LMO2: variants seen among roughly 807,000 people sequenced by gnomAD.
LMO2 encodes the protein LIM domain only 2, also known as rhombotin-2.
A neutral mutation model predicts 23.2 loss-of-function variants in LMO2; 20 were observed. That is an observed-to-expected ratio of 0.86 (90% CI 0.61 to 1.25). LMO2 has a LOEUF of 1.25. LMO2 is among the 50% of genes most tolerant of loss of function. The pLI is 0.00. For missense variants in LMO2, 270 were observed against 315.3 expected (o/e 0.86, Z 1.09); for synonymous variants, 123 against 130.2 (o/e 0.94, Z 0.38).
chr11:33,875,403 C>A (rs181055004), intron 2 of LMO2, among the ~76,000 whole-genome samples: 202 of 151,978 alleles, frequency 1.3e-3, no homozygotes, highest in African/African-American at 4.5e-3. Flanking sequence ...CGTGATGAAA[C>A]CCTATCTCTA....
chr11:33,884,142 G>A (rs1420363507), intron 1 of LMO2, among the ~76,000 whole-genome samples: 1 of 152,150 alleles, frequency 6.6e-6, no homozygotes, highest in African/African-American at 2.4e-5. Context: ...AGGCAGCGAG[G>A]GAAGCCACTG....
intron 1 of LMO2, among the ~76,000 whole-genome samples, chr11:33,884,874 T>C (rs752385217): frequency 9.9e-5 from 15 of 152,232 alleles, no homozygotes; most frequent in Non-Finnish European, 2.1e-4. Context: ...GTTAGGGGTT[T>C]TTGCCCTTCA....
At position 33,869,993 on chromosome 11, in the gene LMO2, C is replaced by A; in HGVS notation, c.-271-6G>T. 1.7e-5 allele frequency: 17 copies of A among 1,013,676 alleles called. No individual in the cohort carries two copies. Among genetic ancestry groups the A allele is most frequent in the Non-Finnish European group, 1.9e-5 (16 of 843,784 alleles). 62.8% of individuals were successfully genotyped at this position (1,013,676 alleles called of 1,614,324 possible). A position where few individuals can be genotyped will look rare whatever the true frequency, so the allele number is the denominator to read the frequency against. On this transcript the variant is annotated splice_region_variant and splice_polypyrimidine_tract_variant and intron_variant, in intron 2 of 5. Transcript: ENST00000257818. ...CTGGTTTCATTTCCTTTTTCCTGAT[C>A]ACGATTCAAATACAATAGAAGGAAA...
intron 1 of LMO2, among the ~76,000 whole-genome samples, chr11:33,889,014 G>A (rs945074909): frequency 2.0e-5 from 3 of 152,294 alleles, no homozygotes; most frequent in East Asian, 1.9e-4. Context: ...TCCTATTTCC[G>A]TTAGGGTAGA....
At chr11:33,871,989 C>T (rs138084743) in intron 2 of LMO2, among the ~76,000 whole-genome samples, 6 of 152,206 alleles carry the variant, frequency 3.9e-5, no homozygotes, top group African/African-American at 1.2e-4. Context: ...CCTGGCCGGG[C>T]TCGGTGGCCC....
intron 1 of LMO2, among the ~76,000 whole-genome samples, chr11:33,884,307 A>C (rs983431008): frequency 1.3e-5 from 2 of 151,754 alleles, no homozygotes; most frequent in Non-Finnish European, 2.9e-5. Context: ...GATCTGCTCC[A>C]TTGGGGGTCA....
chr11:33,869,622 C>A (rs1311886692), intron 3 of LMO2, 36 bp from the exon 4 acceptor site: 1 of 1,263,364 alleles, frequency 7.9e-7, no homozygotes. Flanking sequence ...AATCACCGGG[C>A]TGCGGGCGCG....
Position 33,869,962 on chromosome 11 carries a change from C to G in LMO2, c.-246G>C, listed in dbSNP as rs1392461500. 6.7e-6 allele frequency: 7 copies of G among 1,039,420 alleles called. No homozygotes were observed. The highest frequency in any genetic ancestry group is 5.8e-6 in the Non-Finnish European group (5 of 864,114). The allele number at this position is 1,039,420 out of a possible 1,614,324, so 64.4% of individuals were successfully genotyped here. A position where few individuals can be genotyped will look rare whatever the true frequency, so the allele number is the denominator to read the frequency against. On this transcript the variant is annotated 5_prime_UTR_variant, in exon 3 of 6. Coordinates refer to ENST00000257818, the MANE Select transcript of LMO2 (RefSeq NM_005574.4). ...AGGTCTATTTTCGCTCAGCTTCCCT[C>G]TGTCTCTGGTTTCATTTCCTTTTTC...
At chr11:33,881,487 G>A (rs759727477) in intron 2 of LMO2, 21 of 436,710 alleles carry the variant, frequency 4.8e-5, no homozygotes, top group Non-Finnish European at 8.4e-5. Context: ...GTTGGGAGAC[G>A]GGGCTGGCAC....
rs563111349 is a variant in LMO2, at chr11:33,860,099, T to A, written c.465-524A>T. 2.6e-5 allele frequency among the ~76,000 whole-genome samples: 4 copies of A among 152,172 alleles called. No individual in the cohort carries two copies. The East Asian group carries it at 7.7e-4, about 29-fold the overall frequency. On this transcript the variant is annotated intron_variant, in intron 5 of 5. Coordinates refer to ENST00000257818, the MANE Select transcript of LMO2 (RefSeq NM_005574.4). ...GGAGAGCTGGCCTTGAATACCTCCA[T>A]AAGCTGCAAAGCACATCTCCCCCTG...
intron 1 of LMO2, among the ~76,000 whole-genome samples, chr11:33,883,826 G>A (rs1210753758): frequency 2.6e-5 from 4 of 152,186 alleles, no homozygotes; most frequent in African/African-American, 9.7e-5. Flanking sequence ...AGCTCACAGG[G>A]CTACTAAGGA....
At chr11:33,861,455 T>C (rs1297088566) in intron 5 of LMO2, among the ~76,000 whole-genome samples, 1 of 152,192 alleles carries the variant, frequency 6.6e-6, no homozygotes, top group Non-Finnish European at 1.5e-5. Context: ...GCCAGCTAAT[T>C]TGCCTCTGAA....
At chr11:33,890,735 A>G (rs917999732) in intron 1 of LMO2, among the ~76,000 whole-genome samples, 2 of 152,206 alleles carry the variant, frequency 1.3e-5, no homozygotes, top group African/African-American at 4.8e-5. Context: ...AATGACAATG[A>G]TGACTGATGA....
intron 1 of LMO2, among the ~76,000 whole-genome samples, chr11:33,891,388 C>CAT (rs1554959547): frequency 2.0e-5 from 1 of 49,580 alleles, no homozygotes; most frequent in Non-Finnish European, 5.1e-5. Context: ...CACACACACA[C>CAT]ATGCACACAC....
At chr11:33,888,687 C>A (rs77520104) in intron 1 of LMO2, among the ~76,000 whole-genome samples, 2 of 152,204 alleles carry the variant, frequency 1.3e-5, no homozygotes, top group Non-Finnish European at 2.9e-5. Context: ...TTCTCCCTAG[C>A]ACATATTGCC....
chr11:33,877,467 T>TC (rs1437798538), intron 2 of LMO2, among the ~76,000 whole-genome samples: 1 of 145,482 alleles, frequency 6.9e-6, no homozygotes, highest in East Asian at 2.0e-4. Flanking sequence ...GATTCTTTTT[T>TC]TTTTTTTTTT....
intron 2 of LMO2, among the ~76,000 whole-genome samples, chr11:33,877,602 CTA>C: frequency 6.6e-6 from 1 of 151,444 alleles, no homozygotes; most frequent in South Asian, 2.1e-4. Context: ...GTAGCTGGGA[CTA>C]TAGGTGCACA....
At chr11:33,868,241 G>A (rs1856857604) in intron 4 of LMO2, among the ~76,000 whole-genome samples, 1 of 152,162 alleles carries the variant, frequency 6.6e-6, no homozygotes, top group African/African-American at 2.4e-5. Context: ...ATAGAAAGCC[G>A]AAATTGAAGG....
At chr11:33,873,059 G>A (rs1857063340) in intron 2 of LMO2, among the ~76,000 whole-genome samples, 1 of 152,082 alleles carries the variant, frequency 6.6e-6, no homozygotes, top group African/African-American at 2.4e-5. Flanking sequence ...CACCGCGCCT[G>A]GCCACATCTG....
Sources: allele counts gnomAD v4.1 joint callset (sites outside exome capture counted in the v4.1 genomes callset), GRCh38; gene constraint gnomAD v4.1.1; transcripts MANE v1.5; gene names NCBI Gene and HGNC (gene_info 2026-07-23, HGNC 2026-07-21).